TNFSF8: variants seen among roughly 807,000 people sequenced by gnomAD.
TNFSF8 encodes TNF superfamily member 8, also known as tumor necrosis factor ligand superfamily member 8.
Under a neutral mutation model 22.0 loss-of-function variants are expected in TNFSF8, and 4 were observed. The observed-to-expected ratio is 0.18, with a 90% CI of 0.09 to 0.42. TNFSF8 has a LOEUF of 0.42. Ranked by LOEUF, TNFSF8 falls within the 10% of genes least tolerant of loss-of-function variation. The pLI, the probability that TNFSF8 is intolerant of heterozygous loss-of-function variation, is 1.00. For missense variants in TNFSF8, 233 were observed against 281.8 expected (o/e 0.83, Z 1.24); for synonymous variants, 106 against 112.5 (o/e 0.94, Z 0.37).
chr9:114,900,915 G>T (rs1008761207), downstream of TNFSF8, among the ~76,000 whole-genome samples: 1 of 152,164 alleles, frequency 6.6e-6, no homozygotes, highest in East Asian at 1.9e-4. Flanking sequence ...CCAGGAAGGG[G>T]AGGCTGCAGT....
In TNFSF8 at chr9:114,901,694, G is replaced by A. The variant is rs1827718655; in HGVS notation, c.*2237C>T. Reference sequence around the variant, plus strand: ...AAAGTCTGTTTTGTTTTTTACCACAGACCATTTGGCTTGCTGAATTCAACA... The same window carrying A: ...AAAGTCTGTTTTGTTTTTTACCACAAACCATTTGGCTTGCTGAATTCAACA... On this transcript the variant is annotated 3_prime_UTR_variant, in exon 4 of 4. Transcript: ENST00000223795. 1.0e-6 allele frequency: 1 copy of A among 985,244 alleles called. No homozygotes were observed. The highest frequency in any genetic ancestry group is 4.7e-5 in the South Asian group (1 of 21,294). 61.0% of individuals were successfully genotyped at this position (985,244 alleles called of 1,614,324 possible).
Position 114,901,976 on chromosome 9 carries a change from A to G in TNFSF8, c.*1955T>C. 1 of 985,318 alleles carries G rather than the reference A, an allele frequency of 1.0e-6. No homozygotes were observed. The highest frequency in any genetic ancestry group is 1.2e-6 in the Non-Finnish European group (1 of 829,904). 61.0% of individuals were successfully genotyped at this position (985,318 alleles called of 1,614,324 possible). A position where few individuals can be genotyped will look rare whatever the true frequency, so the allele number is the denominator to read the frequency against. On this transcript the variant is annotated 3_prime_UTR_variant, in exon 4 of 4. Coordinates refer to ENST00000223795, the MANE Select transcript of TNFSF8 (RefSeq NM_001244.4). ...CTTTCCTTCTGACAAACTTTGCTGG[A>G]GTCCTACTCCTTTTCTCTCCTTCTT... is the stretch of plus-strand genomic sequence containing the variant.
chr9:114,924,975 T>A (rs1321393325), intron 1 of TNFSF8, among the ~76,000 whole-genome samples: 1 of 152,138 alleles, frequency 6.6e-6, no homozygotes, highest in Non-Finnish European at 1.5e-5. Context: ...AGGGAGTACC[T>A]TGGGTAGTGG....
chr9:114,921,355 A>C lies in TNFSF8; in HGVS notation c.196-3217T>G, dbSNP rs80157436. Among the ~76,000 whole-genome samples the C allele has an allele frequency of 4.6e-5, 7 of 152,316 alleles. No individual in the cohort carries two copies. The East Asian group carries it at 1.4e-3, about 29-fold the overall frequency. ...GGGAGATTGAGACATCTTTCAGTCC[A>C]TCAAGCTAATTTTATGGAGGAGGAA... is the stretch of plus-strand genomic sequence containing the variant. On this transcript the variant is annotated intron_variant, in intron 1 of 3. Coordinates refer to ENST00000223795, the MANE Select transcript of TNFSF8 (RefSeq NM_001244.4).
At chr9:114,899,293 G>T (rs997871063), downstream of TNFSF8, among the ~76,000 whole-genome samples, 1 of 151,478 alleles carries the variant, frequency 6.6e-6, no homozygotes, top group Non-Finnish European at 1.5e-5. Context: ...AATGTGGGTT[G>T]TGACTTAAGA....
intron 4 of TNFSF8, among the ~76,000 whole-genome samples, chr9:114,895,198 T>C (rs1236691728): frequency 1.3e-5 from 2 of 152,240 alleles, no homozygotes; most frequent in Non-Finnish European, 2.9e-5. Flanking sequence ...CTGTTGCAAG[T>C]GAAATCTAAA....
chr9:114,922,649 G>C (rs1288589402), intron 1 of TNFSF8, among the ~76,000 whole-genome samples: 1 of 152,186 alleles, frequency 6.6e-6, no homozygotes, highest in Admixed American at 6.5e-5. Context: ...CTCTCTAGAT[G>C]AGGGCAGGAT....
At chr9:114,922,479 C>T (rs1828001469) in intron 1 of TNFSF8, among the ~76,000 whole-genome samples, 1 of 152,164 alleles carries the variant, frequency 6.6e-6, no homozygotes. Context: ...TGGCCTTTAA[C>T]TTGACCCCAA....
chr9:114,894,359 G>C (rs1300614250), intron 4 of TNFSF8, among the ~76,000 whole-genome samples: 2 of 149,894 alleles, frequency 1.3e-5, no homozygotes, highest in Admixed American at 1.3e-4. Flanking sequence ...TTAGCGGAAT[G>C]GTTCTTGAGC....
Position 114,901,867 on chromosome 9 carries a change from G to T in TNFSF8, c.*2064C>A. 1.1e-6 allele frequency: 1 copy of T among 949,256 alleles called. No individual in the cohort carries two copies. The highest frequency in any genetic ancestry group is 1.3e-6 in the Non-Finnish European group (1 of 797,116). 58.8% of individuals were successfully genotyped at this position (949,256 alleles called of 1,614,324 possible). ...GCAGATGACTTAAAATTTTCCCTTAGCCATTTTTGTTCTCTCAAGTCCCTT... is the reference window on the plus strand; with the variant it reads ...GCAGATGACTTAAAATTTTCCCTTATCCATTTTTGTTCTCTCAAGTCCCTT... On this transcript the variant is annotated 3_prime_UTR_variant, in exon 4 of 4. Transcript: ENST00000223795.
At chr9:114,927,650 C>T (rs1169865073) in intron 1 of TNFSF8, among the ~76,000 whole-genome samples, 14 of 152,186 alleles carry the variant, frequency 9.2e-5, no homozygotes, top group Non-Finnish European at 4.4e-5. Flanking sequence ...TATGTTATGA[C>T]TTAGCTGTTT....
chr9:114,893,513 A>G (rs537479361), exon 5 of TNFSF8: 6 of 155,718 alleles, frequency 3.9e-5, no homozygotes, highest in South Asian at 3.8e-4. Flanking sequence ...CTCTTGTACT[A>G]TTTGAAAGAA....
chr9:114,923,564 C>T (rs1441252322), intron 1 of TNFSF8, among the ~76,000 whole-genome samples: 1 of 137,054 alleles, frequency 7.3e-6, no homozygotes, highest in Non-Finnish European at 1.5e-5. Flanking sequence ...GTCACTCAGG[C>T]TGGAGTGCAG....
chr9:114,893,756 G>C (rs975829022), exon 5 of TNFSF8: 20 of 251,460 alleles, frequency 8.0e-5, no homozygotes, highest in African/African-American at 4.2e-4. Context: ...TGAGAGGTGG[G>C]AGTGGGGTTT....
rs767196194 is a variant in TNFSF8 at position 114,905,886 on chromosome 9, T to C, written c.252A>G (p.Glu84=). The change falls in exon 3 of 4, where the codon GAA becomes GAG. Residue 84 remains glutamate, a synonymous_variant. Coordinates refer to ENST00000223795, the MANE Select transcript of TNFSF8 (RefSeq NM_001244.4). ...NVPLKGGNCS[E]DLLCILKRAP... ...CCCTTTTCAGGATACATAAGAGGTC[T>C]TCTGAGCAATTTCCTAAAAATAAGG... The C allele has an allele frequency of 3.7e-6, 6 of 1,611,568 alleles. No homozygotes were observed. The highest frequency in any genetic ancestry group is 5.1e-6 in the Non-Finnish European group (6 of 1,177,894).
chr9:114,896,919 GA>G, downstream of TNFSF8, among the ~76,000 whole-genome samples: 1 of 148,590 alleles, frequency 6.7e-6, no homozygotes, highest in South Asian at 2.1e-4. Flanking sequence ...CTTTTTTTTT[GA>G]GATTGAGTTT....
exon 5 of TNFSF8, chr9:114,893,792 A>G: frequency 2.9e-6 from 1 of 342,496 alleles, no homozygotes; most frequent in South Asian, 3.7e-5. Context: ...TGATGTTCAC[A>G]CAGTCATACA....
chr9:114,927,001 GTTTA>G (rs1220434698), intron 1 of TNFSF8, among the ~76,000 whole-genome samples: 1 of 122,586 alleles, frequency 8.2e-6, no homozygotes, highest in East Asian at 2.0e-4. Flanking sequence ...AATATAAAAT[GTTTA>G]TTTTATAATA....
chr9:114,918,193 C>T, intron 1 of TNFSF8, 55 bp from the exon 2 acceptor site: 1 of 1,434,872 alleles, frequency 7.0e-7, no homozygotes, highest in Non-Finnish European at 9.4e-7. Context: ...GTTGAAACAA[C>T]TTTTTTTTTT....
Sources: allele counts gnomAD v4.1 joint callset (sites outside exome capture counted in the v4.1 genomes callset), GRCh38; gene constraint gnomAD v4.1.1; transcripts MANE v1.5; gene names NCBI Gene and HGNC (gene_info 2026-07-23, HGNC 2026-07-21).